MEF2A: variants seen among roughly 807,000 people sequenced by gnomAD.
MEF2A encodes myocyte enhancer factor 2A.
In MEF2A, 28 loss-of-function variants were observed where a neutral mutation model predicts 55.8. That is an observed-to-expected ratio of 0.50 (90% CI 0.37 to 0.69). The LOEUF is 0.69. Among genes scored for constraint, MEF2A ranks in the 30% least tolerant of loss-of-function variants. MEF2A has a pLI of 0.00. For synonymous variants in MEF2A, 239 were observed against 227.1 expected (o/e 1.05, Z -0.47); for missense variants, 528 against 626.2 (o/e 0.84, Z 1.67).
At chr15:99,577,049 T>C (rs955438082) in intron 1 of MEF2A, among the ~76,000 whole-genome samples, 6 of 152,268 alleles carry the variant, frequency 3.9e-5, no homozygotes, top group Non-Finnish European at 5.9e-5. Flanking sequence ...GTTGCTGTTA[T>C]ACTGTTTCGT....
intron 1 of MEF2A, among the ~76,000 whole-genome samples, chr15:99,591,233 C>T (rs1012042100): frequency 6.6e-6 from 1 of 152,182 alleles, no homozygotes; most frequent in African/African-American, 2.4e-5. Flanking sequence ...CAGATTGTCT[C>T]AGCTTTTGTT....
intron 1 of MEF2A, among the ~76,000 whole-genome samples, chr15:99,586,725 G>T (rs554430523): frequency 2.0e-4 from 31 of 152,094 alleles, no homozygotes; most frequent in Non-Finnish European, 3.7e-4. Flanking sequence ...TCTGATAAAT[G>T]TTTGCCTTAC....
At chr15:99,616,820 C>T (rs2040261781) in intron 2 of MEF2A, among the ~76,000 whole-genome samples, 1 of 152,086 alleles carries the variant, frequency 6.6e-6, no homozygotes, top group Non-Finnish European at 1.5e-5. Context: ...CCATTGAGAG[C>T]TGTGGCCATG....
chr15:99,653,581 A>AC (rs2047206697), intron 4 of MEF2A, among the ~76,000 whole-genome samples: 1 of 152,164 alleles, frequency 6.6e-6, no homozygotes, highest in African/African-American at 2.4e-5. Context: ...GTGTATGCTA[A>AC]GGGTATTTTA....
At chr15:99,710,808 C>CT (rs1183382973) in intron 11 of MEF2A, 48 bp downstream of exon 11, 1 of 1,566,398 alleles carries the variant, frequency 6.4e-7, no homozygotes, top group Non-Finnish European at 8.7e-7. Context: ...GGCCTACACA[C>CT]TCTCTTTTCC....
chr15:99,645,886 C>T (rs1481676769), intron 4 of MEF2A, 122 bp downstream of exon 4: 3 of 671,760 alleles, frequency 4.5e-6, no homozygotes, highest in Non-Finnish European at 7.3e-6. Flanking sequence ...TATCTTTTCT[C>T]TAAATCATTT....
rs537758324 is a variant in MEF2A at position 99,577,537 on chromosome 15, G to A, written c.-225+11433G>A. Among the ~76,000 whole-genome samples, 14 of 152,290 alleles carry A rather than the reference G, an allele frequency of 9.2e-5. No individual in the cohort carries two copies. In the South Asian group the frequency reaches 2.9e-3, roughly 32 times the overall value. On this transcript the variant is annotated intron_variant, in intron 1 of 11. Transcript: ENST00000557942. ...AATTAACCTAGTTTCAGGAATGCCA[G>A]GAAAATAAGCTTTAATGTTGGACAG...
At chr15:99,573,236 C>T (rs980536452) in intron 1 of MEF2A, among the ~76,000 whole-genome samples, 1 of 148,762 alleles carries the variant, frequency 6.7e-6, no homozygotes, top group Non-Finnish European at 1.5e-5. Flanking sequence ...CTGCAGTGAG[C>T]CAAGATCGCG....
intron 4 of MEF2A, among the ~76,000 whole-genome samples, chr15:99,663,032 A>G (rs1237056553): frequency 1.3e-5 from 2 of 152,080 alleles, no homozygotes; most frequent in African/African-American, 4.8e-5. Context: ...CTATGATTCT[A>G]TTAGCTTGGA....
chr15:99,640,860 G>A (rs1333150398), intron 3 of MEF2A, among the ~76,000 whole-genome samples: 1 of 151,904 alleles, frequency 6.6e-6, no homozygotes, highest in East Asian at 1.9e-4. Flanking sequence ...TGTTTTCTTG[G>A]AGGTCTGAAA....
intron 2 of MEF2A, among the ~76,000 whole-genome samples, chr15:99,631,419 T>G (rs1461273130): frequency 2.0e-5 from 3 of 152,208 alleles, no homozygotes; most frequent in Non-Finnish European, 4.4e-5. Context: ...TCCTGTTCCC[T>G]TTTGTCATGG....
intron 2 of MEF2A, among the ~76,000 whole-genome samples, chr15:99,606,778 A>T (rs994983849): frequency 1.3e-5 from 2 of 152,202 alleles, no homozygotes; most frequent in African/African-American, 4.8e-5. Flanking sequence ...CACTTTAAGA[A>T]ACATCTTGAC....
chr15:99,690,509 T>G (rs1192347521), intron 8 of MEF2A, 81 bp downstream of exon 8: 1 of 1,242,488 alleles, frequency 8.0e-7, no homozygotes, highest in Non-Finnish European at 1.1e-6. Context: ...TTTGGAATTT[T>G]CTGTGCCACC....
intron 1 of MEF2A, among the ~76,000 whole-genome samples, chr15:99,597,128 G>A (rs554025055): frequency 6.6e-6 from 1 of 152,326 alleles, no homozygotes; most frequent in East Asian, 1.9e-4. Flanking sequence ...TAGGCAGCAA[G>A]AGAGATAACC....
At chr15:99,692,592 G>A (rs770122599) in intron 8 of MEF2A, among the ~76,000 whole-genome samples, 1 of 152,150 alleles carries the variant, frequency 6.6e-6, no homozygotes, top group Admixed American at 6.5e-5. Context: ...TGACAGAACT[G>A]TGTGAAACTC....
intron 1 of MEF2A, among the ~76,000 whole-genome samples, chr15:99,586,055 C>G (rs1455276558): frequency 6.6e-6 from 1 of 151,932 alleles, no homozygotes; most frequent in Non-Finnish European, 1.5e-5. Context: ...ACTAGTGTTC[C>G]TTTTATGTTT....
intron 1 of MEF2A, among the ~76,000 whole-genome samples, chr15:99,572,595 G>T (rs1330453560): frequency 1.3e-5 from 2 of 152,234 alleles, no homozygotes; most frequent in African/African-American, 4.8e-5. Context: ...GCATTTGGAA[G>T]ATAGTAAATA....
chr15:99,620,521 G>C (rs1356157449), intron 2 of MEF2A, among the ~76,000 whole-genome samples: 2 of 152,096 alleles, frequency 1.3e-5, no homozygotes, highest in African/African-American at 2.4e-5. Context: ...ACATGATTTT[G>C]TTCTTTTTAT....
chr15:99,602,653 G>T lies in MEF2A; in HGVS notation c.-143+4142G>T, dbSNP rs902608146. Among the ~76,000 whole-genome samples the T allele has an allele frequency of 4.9e-3, 221 of 44,862 alleles. 1 individual carries two copies. Among genetic ancestry groups the T allele is most frequent in the African/African-American group, 7.6e-3 (108 of 14,212 alleles). The allele number at this position is 44,862 out of a possible 152,430, so 29.4% of individuals were successfully genotyped here. A position where few individuals can be genotyped will look rare whatever the true frequency, so the allele number is the denominator to read the frequency against. On this transcript the variant is annotated intron_variant, in intron 2 of 11. Transcript: ENST00000557942. ...CCTGGTGGTTGCCTGACATTCCTGG[G>T]GTGTGTGTGTGTGTGTGTGTGTGTG...
Sources: allele counts gnomAD v4.1 joint callset (sites outside exome capture counted in the v4.1 genomes callset), GRCh38; gene constraint gnomAD v4.1.1; transcripts MANE v1.5; gene names NCBI Gene and HGNC (gene_info 2026-07-23, HGNC 2026-07-21).